CKAP2: variants seen among roughly 807,000 people sequenced by gnomAD.
CKAP2 encodes the protein cytoskeleton associated protein 2, also known as cytoskeleton-associated protein 2.
Under a neutral mutation model 58.4 loss-of-function variants are expected in CKAP2, and 46 were observed. The ratio of observed to expected loss-of-function variants is 0.79; its 90% CI spans 0.62 to 1.01. The LOEUF (loss-of-function observed/expected upper bound fraction) is 1.01. CKAP2 is among the 50% of genes least tolerant of loss of function. The probability of loss-of-function intolerance (pLI) is 0.00; values close to 1 mark genes in which losing one functional copy is unlikely to be tolerated. For missense variants in CKAP2, 809 were observed against 796.4 expected (o/e 1.02, Z -0.19); for synonymous variants, 293 against 280.9 (o/e 1.04, Z -0.43).
intron 6 of CKAP2, 169 bp downstream of exon 6, chr13:52,465,634 A>C (rs1958656510): frequency 3.0e-6 from 2 of 667,336 alleles, no homozygotes. Context: ...TTGGCTTTCT[A>C]AGTCTTTTAT....
rs1378295215 is a variant in CKAP2 at position 52,461,235 on chromosome 13, C to G, written c.409C>G (p.Gln137Glu). 1 of 1,613,796 alleles carries G rather than the reference C, an allele frequency of 6.2e-7. No individual in the cohort carries two copies. Among genetic ancestry groups the G allele is most frequent in the Non-Finnish European group, 8.5e-7 (1 of 1,179,940 alleles). Residue 137 changes from glutamine (Q) to glutamate (E), a missense_variant, in exon 4 of 9, where the codon CAA (glutamine) becomes GAA (glutamate). By Grantham distance (29) the Gln-to-Glu change is conservative. Coordinates refer to ENST00000258607, the MANE Select transcript of CKAP2 (RefSeq NM_018204.5). Reference sequence around the variant, plus strand: ...TTTGTTACTAACTGAAGATGATCCCCAAAGTCAACATATGACATTAAGCCA... The same window carrying G: ...TTTGTTACTAACTGAAGATGATCCCGAAAGTCAACATATGACATTAAGCCA... ...PHLLLTEDDPQSQHMTLSQAF... is the reference protein window; with the variant it reads ...PHLLLTEDDPESQHMTLSQAF...
intron 2 of CKAP2, among the ~76,000 whole-genome samples, chr13:52,458,113 A>AAT (rs1181389946): frequency 6.6e-6 from 1 of 152,230 alleles, no homozygotes; most frequent in Non-Finnish European, 1.5e-5. Flanking sequence ...ATCCTTCACA[A>AAT]ATAAATCTTT....
In CKAP2 at chr13:52,464,548, C is replaced by T. The variant is rs1213033257; in HGVS notation, c.1306-747C>T. On this transcript the variant is annotated intron_variant, in intron 5 of 8. Transcript: ENST00000258607. ...AGCCTGGGCAACAAGAGCAAAACTCCGTCTCAAAAAAAAAAAAAAAAAAAA... is the reference window on the plus strand; with the variant it reads ...AGCCTGGGCAACAAGAGCAAAACTCTGTCTCAAAAAAAAAAAAAAAAAAAA... 7.0e-5 allele frequency among the ~76,000 whole-genome samples: 9 copies of T among 129,228 alleles called. No homozygotes were observed. In the South Asian group the frequency reaches 1.6e-3, roughly 23 times the overall value. The allele number at this position is 129,228 out of a possible 152,430, so 84.8% of individuals were successfully genotyped here.
intron 4 of CKAP2, 56 bp downstream of exon 4, chr13:52,461,982 G>T: frequency 7.0e-7 from 1 of 1,423,666 alleles, no homozygotes; most frequent in South Asian, 1.5e-5. Flanking sequence ...ACTGTTTGTA[G>T]ATTTGGATTA....
At chr13:52,457,905 C>T (rs1300565783) in intron 2 of CKAP2, among the ~76,000 whole-genome samples, 1 of 151,794 alleles carries the variant, frequency 6.6e-6, no homozygotes, top group African/African-American at 2.4e-5. Context: ...ACCACCCACA[C>T]ACATATTCAG....
Position 52,455,640 on chromosome 13 carries a change from TGGCGGTG to T in CKAP2, c.70+16_70+22del. The T allele has an allele frequency of 4.3e-5, 10 of 231,370 alleles. No individual in the cohort carries two copies. Among genetic ancestry groups the T allele is most frequent in the Non-Finnish European group, 6.0e-5 (9 of 150,676 alleles). 14.3% of individuals were successfully genotyped at this position (231,370 alleles called of 1,614,324 possible). ...CCGCATTCAAAGGTGAAGGCCGCGGTGGCGGTGGCGGTGGCGGTGGCGGTGGCGGTGG... is the reference window on the plus strand; with the variant it reads ...CCGCATTCAAAGGTGAAGGCCGCGGTGCGGTGGCGGTGGCGGTGGCGGTGG... On this transcript the variant is annotated intron_variant, in intron 1 of 8. Transcript: ENST00000258607.
intron 6 of CKAP2, among the ~76,000 whole-genome samples, chr13:52,466,061 A>T (rs1183142757): frequency 6.6e-6 from 1 of 152,014 alleles, no homozygotes; most frequent in Non-Finnish European, 1.5e-5. Context: ...ATATATATAT[A>T]ATATGTATAC....
chr13:52,461,738 T>G lies in CKAP2; in HGVS notation c.912T>G (p.Ser304=). The G allele has an allele frequency of 1.9e-6, 3 of 1,613,822 alleles. No homozygotes were observed. Among genetic ancestry groups the G allele is most frequent in the Non-Finnish European group, 2.5e-6 (3 of 1,179,852 alleles). The part of the protein sequence containing the change: ...TALSSVKTSS[S]QGIIRNKTLS... ...TATCTAGTGTCAAAACCAGTTCTTC[T>G]CAAGGTATAATAAGAAATAAGACTC... Residue 304 remains serine (S), a synonymous_variant, in exon 4 of 9, where the codon TCT becomes TCG. Transcript: ENST00000258607.
Position 52,456,615 on chromosome 13 carries a change from C to G in CKAP2, c.155+8C>G, listed in dbSNP as rs762441238. ...AAATGAGATGTTATCCAGGTAAGGT[C>G]AAGTTTATTTCTTTTCACTTCTGTA... On this transcript the variant is annotated splice_region_variant and intron_variant, in intron 2 of 8. Transcript: ENST00000258607. The G allele has an allele frequency of 1.2e-6, 2 of 1,600,090 alleles. No homozygotes were observed. Among genetic ancestry groups the G allele is most frequent in the South Asian group, 2.2e-5 (2 of 90,518 alleles).
At chr13:52,467,788 G>A (rs753184672) in intron 6 of CKAP2, among the ~76,000 whole-genome samples, 26 of 151,002 alleles carry the variant, frequency 1.7e-4, no homozygotes, top group African/African-American at 3.4e-4. Flanking sequence ...GCCATTTTTC[G>A]TTTTTGGTTT....
chr13:52,463,404 C>T (rs1000100365), intron 5 of CKAP2, among the ~76,000 whole-genome samples: 1 of 152,034 alleles, frequency 6.6e-6, no homozygotes, highest in Non-Finnish European at 1.5e-5. Flanking sequence ...ACCATCATTC[C>T]TCACTCTGAA....
chr13:52,457,419 C>T (rs1958504870), intron 2 of CKAP2, among the ~76,000 whole-genome samples: 1 of 152,130 alleles, frequency 6.6e-6, no homozygotes, highest in African/African-American at 2.4e-5. Flanking sequence ...GTAGTCTCAA[C>T]CCTCCACAGA....
At chr13:52,456,229 T>A in intron 1 of CKAP2, 9 of 1,051,392 alleles carry the variant, frequency 8.6e-6, no homozygotes, top group Non-Finnish European at 1.1e-5. Context: ...ATTTAGTTTC[T>A]TAAAGCTTGG....
chr13:52,465,612 A>G, intron 6 of CKAP2, 147 bp downstream of exon 6: 1 of 713,534 alleles, frequency 1.4e-6, no homozygotes, highest in South Asian at 1.6e-5. Context: ...ATTGCATTAT[A>G]AAAGCTGTTT....
At position 52,473,825 on chromosome 13, in the gene CKAP2, A is replaced by G. The variant is rs780179661; in HGVS notation, c.1547-4A>G. The G allele has an allele frequency of 4.4e-6, 7 of 1,591,526 alleles. No homozygotes were observed. The East Asian group carries it at 9.0e-5, about 20-fold the overall frequency. On this transcript the variant is annotated splice_polypyrimidine_tract_variant and splice_region_variant and intron_variant, in intron 7 of 8. Coordinates refer to ENST00000258607, the MANE Select transcript of CKAP2 (RefSeq NM_018204.5). Reference sequence around the variant, plus strand: ...AGCTTAATCTATAAATGTATTTTCTATAGGAGAAAATATGGAGAAGTCTTG... The same window carrying G: ...AGCTTAATCTATAAATGTATTTTCTGTAGGAGAAAATATGGAGAAGTCTTG...
At chr13:52,471,112 C>T (rs145749073) in intron 7 of CKAP2, among the ~76,000 whole-genome samples, 2,490 of 151,884 alleles carry the variant, frequency 0.016, 73 homozygotes, top group African/African-American at 0.056. Flanking sequence ...GAGCCAAGAT[C>T]GCACCACTGC....
At chr13:52,463,803 T>G (rs1453672961) in intron 5 of CKAP2, among the ~76,000 whole-genome samples, 1 of 152,226 alleles carries the variant, frequency 6.6e-6, no homozygotes, top group African/African-American at 2.4e-5. Context: ...CTTAGAAGTT[T>G]CTCTTTGATT....
Position 52,462,561 on chromosome 13 carries a change from T to C in CKAP2, c.1299T>C (p.Ile433=), listed in dbSNP as rs2137846621. Residue 433 remains isoleucine (I), a synonymous_variant, in exon 5 of 9, where the codon ATT becomes ATC. Transcript: ENST00000258607. ...NNTFSECLNL[I]NEGCPKEDIL... is the part of the protein sequence containing the mutation. ...CATTTTCTGAATGCCTGAACTTGAT[T>C]AATGAGGTAGAGTCTTTATATTTGC... The C allele has an allele frequency of 6.2e-7, 1 of 1,612,546 alleles. No individual in the cohort carries two copies. Among genetic ancestry groups the C allele is most frequent in the Non-Finnish European group, 8.5e-7 (1 of 1,179,014 alleles).
chr13:52,464,136 A>G (rs936674875), intron 5 of CKAP2, among the ~76,000 whole-genome samples: 3 of 152,170 alleles, frequency 2.0e-5, no homozygotes, highest in African/African-American at 4.8e-5. Flanking sequence ...TCTTACATCT[A>G]TTCATTATAT....
Sources: allele counts gnomAD v4.1 joint callset (sites outside exome capture counted in the v4.1 genomes callset), GRCh38; gene constraint gnomAD v4.1.1; transcripts MANE v1.5; gene names NCBI Gene and HGNC (gene_info 2026-07-23, HGNC 2026-07-21).